Variants in CAND1 observed in about 807,000 individuals in gnomAD.
CAND1 encodes the protein cullin associated and neddylation dissociated 1, also known as cullin-associated NEDD8-dissociated protein 1.
In CAND1, 7 loss-of-function variants were observed where a neutral mutation model predicts 108.5. That is an observed-to-expected ratio of 0.06 (90% CI 0.04 to 0.12). The LOEUF is 0.12. Among genes scored for constraint, CAND1 ranks in the 10% least tolerant of loss-of-function variants. CAND1 has a pLI of 1.00. For missense variants in CAND1, 941 were observed against 1,448.7 expected (o/e 0.65, Z 5.69); for synonymous variants, 534 against 512.0 (o/e 1.04, Z -0.58).
At chr12:67,274,362 T>A (rs2044550244) in intron 1 of CAND1, among the ~76,000 whole-genome samples, 1 of 152,152 alleles carries the variant, frequency 6.6e-6, no homozygotes, top group African/African-American at 2.4e-5. Context: ...CATGGAGAGA[T>A]TTGAGCCAGG....
chr12:67,296,111 G>C (rs2136008346), intron 4 of CAND1, among the ~76,000 whole-genome samples: 1 of 151,458 alleles, frequency 6.6e-6, no homozygotes, highest in South Asian at 2.1e-4. Flanking sequence ...AAATCATTCT[G>C]ATAGATTGGG....
In CAND1 at chr12:67,313,111, T is replaced by C. The variant is rs2044970289; in HGVS notation, c.*281T>C. The C allele has an allele frequency of 3.9e-6, 1 of 259,214 alleles. No individual in the cohort carries two copies. Among genetic ancestry groups the C allele is most frequent in the African/African-American group, 2.2e-5 (1 of 45,236 alleles). The allele number at this position is 259,214 out of a possible 1,614,324, so 16.1% of individuals were successfully genotyped here. On this transcript the variant is annotated 3_prime_UTR_variant, in exon 15 of 15. Transcript: ENST00000545606. Reference sequence around the variant, plus strand: ...CTAAAAGTTAGGATTTTATGGAGTATGGAGATAGGGTCCAGTATCTATTTA... The same window carrying C: ...CTAAAAGTTAGGATTTTATGGAGTACGGAGATAGGGTCCAGTATCTATTTA...
chr12:67,274,892 C>T (rs1451685231), intron 1 of CAND1, among the ~76,000 whole-genome samples: 2 of 152,088 alleles, frequency 1.3e-5, no homozygotes, highest in Non-Finnish European at 2.9e-5. Flanking sequence ...TATCATATAG[C>T]TGAAAGTACA....
intron 2 of CAND1, among the ~76,000 whole-genome samples, chr12:67,282,956 A>G (rs953652861): frequency 2.6e-5 from 4 of 152,180 alleles, no homozygotes; most frequent in African/African-American, 7.2e-5. Flanking sequence ...AGTTCTCAAT[A>G]AATTCCATTA....
intron 1 of CAND1, among the ~76,000 whole-genome samples, chr12:67,271,001 C>A (rs1318058012): frequency 6.6e-6 from 1 of 152,104 alleles, no homozygotes; most frequent in Non-Finnish European, 1.5e-5. Flanking sequence ...GAAAGGAGAA[C>A]CATGAAAAAG....
intron 4 of CAND1, among the ~76,000 whole-genome samples, chr12:67,296,351 GAGA>G (rs1298550319): frequency 5.9e-5 from 9 of 152,082 alleles, no homozygotes; most frequent in African/African-American, 2.2e-4. Flanking sequence ...GAGAACTCAA[GAGA>G]AGGTCAGTTT....
At chr12:67,300,221 T>G (rs1431285399) in intron 7 of CAND1, among the ~76,000 whole-genome samples, 2 of 152,134 alleles carry the variant, frequency 1.3e-5, no homozygotes, top group Non-Finnish European at 2.9e-5. Flanking sequence ...TCGATGCTGT[T>G]TCTTCTTCTT....
At position 67,306,149 on chromosome 12, in the gene CAND1, C is replaced by T; in HGVS notation, c.2481C>T (p.Asn827=). ...VVGQFIQDVK[N]SRSTDSIRLL... ...GTCAGTTTATTCAAGATGTCAAGAA[C>T]TCAAGGTCTACAGATTCCATTCGTC... Residue 827 remains asparagine (N), a synonymous_variant, in exon 10 of 15, where the codon AAC becomes AAT. Coordinates refer to ENST00000545606, the MANE Select transcript of CAND1 (RefSeq NM_018448.5). 2 of 1,614,090 alleles carry T rather than the reference C, an allele frequency of 1.2e-6. No homozygotes were observed. The highest frequency in any genetic ancestry group is 1.7e-6 in the Non-Finnish European group (2 of 1,179,978).
At chr12:67,275,995 C>T (rs1300643642) in intron 1 of CAND1, among the ~76,000 whole-genome samples, 2 of 152,126 alleles carry the variant, frequency 1.3e-5, no homozygotes, top group African/African-American at 4.8e-5. Context: ...AATTACCATC[C>T]ACTGAAAGTC....
At chr12:67,279,174 C>A (rs371435615) in intron 1 of CAND1, among the ~76,000 whole-genome samples, 32 of 140,056 alleles carry the variant, frequency 2.3e-4, no homozygotes, top group Admixed American at 2.1e-4. Context: ...TCCCCACCAC[C>A]AAAAAAAAAA....
At position 67,316,978 on chromosome 12, in the gene CAND1, GTC is replaced by G. The variant is rs2136028252; in HGVS notation, c.*4152_*4153del. ...GCTCTAGGCAACATAGTGAGACCCT[GTC>G]TCTACCAAAAAGAAGAAAAAAGAAA... On this transcript the variant is annotated 3_prime_UTR_variant, in exon 15 of 15. Transcript: ENST00000545606. 6.6e-6 allele frequency: 1 copy of G among 152,244 alleles called. No homozygotes were observed. The highest frequency in any genetic ancestry group is 1.9e-4 in the East Asian group (1 of 5,174). The allele number at this position is 152,244 out of a possible 1,614,324, so 9.4% of individuals were successfully genotyped here. A position where few individuals can be genotyped will look rare whatever the true frequency, so the allele number is the denominator to read the frequency against.
rs1364170015 is a variant in CAND1, at chr12:67,318,932, A to C, written c.*6102A>C. On this transcript the variant is annotated 3_prime_UTR_variant, in exon 15 of 15. Coordinates refer to ENST00000545606, the MANE Select transcript of CAND1 (RefSeq NM_018448.5). The stretch of plus-strand genomic sequence containing the variant: ...ATGTCTTGAGGAATGAGCTCTTAGA[A>C]GAATAGTTTTCAAATGAGTGTGCAT... 3 of 152,204 alleles carry C rather than the reference A, an allele frequency of 2.0e-5. No homozygotes were observed. The highest frequency in any genetic ancestry group is 7.2e-5 in the African/African-American group (3 of 41,448). 9.4% of individuals were successfully genotyped at this position (152,204 alleles called of 1,614,324 possible).
Position 67,316,555 on chromosome 12 carries a change from ATTTTAC to A in CAND1, c.*3730_*3735del, listed in dbSNP as rs1375897545. Reference sequence around the variant, plus strand: ...ACTACTGAAGTGAGTAATGCATATAATTTTACTTTTTTGGACCCTATAATGCCAGTG... The same window carrying A: ...ACTACTGAAGTGAGTAATGCATATAATTTTTTGGACCCTATAATGCCAGTG... On this transcript the variant is annotated 3_prime_UTR_variant, in exon 15 of 15. Transcript: ENST00000545606. 1 of 151,878 alleles carries A rather than the reference ATTTTAC, an allele frequency of 6.6e-6. No homozygotes were observed. Among genetic ancestry groups the A allele is most frequent in the East Asian group, 1.9e-4 (1 of 5,196 alleles). 9.4% of individuals were successfully genotyped at this position (151,878 alleles called of 1,614,324 possible). A position where few individuals can be genotyped will look rare whatever the true frequency, so the allele number is the denominator to read the frequency against.
intron 11 of CAND1, among the ~76,000 whole-genome samples, chr12:67,307,759 G>A (rs981946461): frequency 6.6e-6 from 1 of 151,686 alleles, no homozygotes; most frequent in Admixed American, 6.6e-5. Flanking sequence ...CATATTTTTG[G>A]GGTGACCTAA....
intron 7 of CAND1, among the ~76,000 whole-genome samples, chr12:67,300,732 T>C (rs983512672): frequency 2.0e-5 from 3 of 152,198 alleles, no homozygotes; most frequent in Admixed American, 6.5e-5. Flanking sequence ...AATCTCTTGA[T>C]TGACTGCTTT....
intron 1 of CAND1, chr12:67,270,895 T>C (rs1240844945): frequency 6.6e-6 from 1 of 152,224 alleles, no homozygotes; most frequent in Non-Finnish European, 1.5e-5. Context: ...ACTAAAATTG[T>C]GACTAAAGAG....
chr12:67,308,216 T>C (rs1163734296), intron 11 of CAND1, among the ~76,000 whole-genome samples: 2 of 152,060 alleles, frequency 1.3e-5, no homozygotes, highest in African/African-American at 2.4e-5. Context: ...GCAAAGAAGC[T>C]TTGTAGCTTT....
Position 67,305,487 on chromosome 12 carries a change from G to C in CAND1, c.1819G>C (p.Asp607His). The C allele has an allele frequency of 1.9e-6, 3 of 1,613,742 alleles. No homozygotes were observed. Among genetic ancestry groups the C allele is most frequent in the Non-Finnish European group, 2.5e-6 (3 of 1,179,996 alleles). ...ICNLGDNLGS[D>H]LPNTLQIFLE... ...CAACCTTGGAGACAATTTGGGTTCTGACTTGCCTAATACACTTCAGATTTT... is the reference window on the plus strand; with the variant it reads ...CAACCTTGGAGACAATTTGGGTTCTCACTTGCCTAATACACTTCAGATTTT... Residue 607 changes from aspartate (D) to histidine (H), a missense_variant, in exon 10 of 15, where the codon GAC becomes CAC. Transcript: ENST00000545606. The surrounding 1 kb of genome is among the most constrained non-coding windows in gnomAD (Gnocchi z 4.4).
In CAND1 at chr12:67,305,303, G is replaced by C; in HGVS notation, c.1635G>C (p.Gln545His). 3.7e-6 allele frequency: 6 copies of C among 1,614,134 alleles called. No homozygotes were observed. The highest frequency in any genetic ancestry group is 5.1e-6 in the Non-Finnish European group (6 of 1,179,998). Residue 545 changes from glutamine (Q) to histidine (H), a missense_variant, in exon 10 of 15, where the codon CAG (glutamine) becomes CAC (histidine). Gln to His is a conservative substitution (Grantham distance 24). Transcript: ENST00000545606. The surrounding 1 kb of genome is among the most constrained non-coding windows in gnomAD (Gnocchi z 4.4). ...CTGAAGCACTTCTTGTTACTCAACAGCTTGTCAAAGTAATTCGTCCTTTAG... is the reference window on the plus strand; with the variant it reads ...CTGAAGCACTTCTTGTTACTCAACACCTTGTCAAAGTAATTCGTCCTTTAG... The part of the protein sequence containing the change: ...ITSEALLVTQ[Q>H]LVKVIRPLDQ...
Sources: allele counts gnomAD v4.1 joint callset (sites outside exome capture counted in the v4.1 genomes callset), GRCh38; gene constraint gnomAD v4.1.1; non-coding constraint Gnocchi (gnomAD v3.1); transcripts MANE v1.5; gene names NCBI Gene and HGNC (gene_info 2026-07-23, HGNC 2026-07-21).